Variants in ADGRV1 observed in about 807,000 individuals in gnomAD.
ADGRV1 encodes the protein adhesion G protein-coupled receptor V1.
ADGRV1 carries 359 observed loss-of-function variants against 596.2 expected under a neutral mutation model. That is an observed-to-expected ratio of 0.60 (90% CI 0.55 to 0.66). The LOEUF (loss-of-function observed/expected upper bound fraction) is 0.66, where lower values mean the gene tolerates loss of function less well. Among genes scored for constraint, ADGRV1 ranks in the 30% least tolerant of loss-of-function variants. The pLI is 0.00. For missense variants in ADGRV1, 7,274 were observed against 7,575.6 expected (o/e 0.96, Z 1.48); for synonymous variants, 2,681 against 2,679.2 (o/e 1.00, Z -0.02).
intron 83 of ADGRV1, among the ~76,000 whole-genome samples, chr5:90,924,859 A>C (rs1366562817): frequency 7.9e-5 from 12 of 151,956 alleles, no homozygotes; most frequent in African/African-American, 2.9e-4. Context: ...ATGGCTAGCC[A>C]GTTTTCCCAG....
chr5:90,561,393 A>G (rs1754811913), intron 1 of ADGRV1, among the ~76,000 whole-genome samples: 1 of 152,174 alleles, frequency 6.6e-6, no homozygotes, highest in East Asian at 1.9e-4. Flanking sequence ...AGTCACCTAT[A>G]CATTCTCATA....
chr5:90,888,203 G>C (rs553617838), intron 83 of ADGRV1, among the ~76,000 whole-genome samples: 21 of 152,140 alleles, frequency 1.4e-4, no homozygotes, highest in African/African-American at 4.8e-4. Flanking sequence ...GAACAGAGTA[G>C]CATTAAATAA....
chr5:90,675,569 G>A, intron 24 of ADGRV1, 124 bp downstream of exon 24: 1 of 958,794 alleles, frequency 1.0e-6, no homozygotes, highest in Non-Finnish European at 1.6e-6. Flanking sequence ...AGCACTTTGG[G>A]AGGCAAAGGC....
chr5:91,095,462 C>T (rs1378401196), intron 86 of ADGRV1, among the ~76,000 whole-genome samples: 1 of 152,150 alleles, frequency 6.6e-6, no homozygotes, highest in African/African-American at 2.4e-5. Flanking sequence ...ACAGTATCCT[C>T]ATGGTGATTT....
intron 83 of ADGRV1, among the ~76,000 whole-genome samples, chr5:90,883,518 A>G (rs1267896072): frequency 6.6e-6 from 1 of 152,120 alleles, no homozygotes; most frequent in Non-Finnish European, 1.5e-5. Flanking sequence ...CATTCCTGTG[A>G]TACATATTTC....
chr5:91,082,670 A>G (rs1005104602), intron 86 of ADGRV1, among the ~76,000 whole-genome samples: 3 of 152,182 alleles, frequency 2.0e-5, no homozygotes, highest in Non-Finnish European at 4.4e-5. Flanking sequence ...GAGAGTAGAA[A>G]AAATTTTTGA....
Position 91,070,553 on chromosome 5 carries a change from T to C in ADGRV1, c.18153-1894T>C, listed in dbSNP as rs115082806. On this transcript the variant is annotated intron_variant, in intron 85 of 89. Coordinates refer to ENST00000405460, the MANE Select transcript of ADGRV1 (RefSeq NM_032119.4). ...CTTGGAGGTATATCCCTTATAAGAA[T>C]ACTTCAGAAGCAGTTTTAGATATTG... 3.6e-3 allele frequency among the ~76,000 whole-genome samples: 550 copies of C among 152,338 alleles called. 2 individuals are homozygous for C. Among genetic ancestry groups the C allele is most frequent in the African/African-American group, 0.013 (520 of 41,576 alleles).
chr5:91,056,940 TAA>T (rs1470162858), intron 85 of ADGRV1, among the ~76,000 whole-genome samples: 1 of 152,192 alleles, frequency 6.6e-6, no homozygotes, highest in Non-Finnish European at 1.5e-5. Context: ...CAGCAAGTAA[TAA>T]GTCATTAGCA....
intron 87 of ADGRV1, among the ~76,000 whole-genome samples, chr5:91,132,079 A>C (rs559571977): frequency 6.6e-6 from 1 of 152,012 alleles, no homozygotes; most frequent in East Asian, 1.9e-4. Flanking sequence ...ATTTTTGTCA[A>C]CTTTGTCAAA....
chr5:90,949,312 C>T (rs984020107), intron 83 of ADGRV1, among the ~76,000 whole-genome samples: 2 of 152,090 alleles, frequency 1.3e-5, no homozygotes, highest in Non-Finnish European at 2.9e-5. Context: ...TGTGTGTAAA[C>T]TTTAACTATA....
chr5:90,793,294 C>A (rs1036389686), intron 70 of ADGRV1: 2 of 152,132 alleles, frequency 1.3e-5, no homozygotes, highest in African/African-American at 2.4e-5. Context: ...ATACAATATG[C>A]CTAAATTGTG....
At chr5:90,571,173 A>G (rs1756479289) in intron 1 of ADGRV1, among the ~76,000 whole-genome samples, 1 of 152,002 alleles carries the variant, frequency 6.6e-6, no homozygotes, top group African/African-American at 2.4e-5. Flanking sequence ...TGGTTAGCTT[A>G]GTGGTCAGCT....
chr5:91,142,566 C>T (rs971993289), intron 87 of ADGRV1, among the ~76,000 whole-genome samples: 2 of 152,140 alleles, frequency 1.3e-5, no homozygotes, highest in African/African-American at 4.8e-5. Flanking sequence ...CCAGCTTAAT[C>T]ACTTTCCTGT....
chr5:90,982,223 T>G (rs1404067679), intron 84 of ADGRV1, among the ~76,000 whole-genome samples: 4 of 152,248 alleles, frequency 2.6e-5, no homozygotes, highest in African/African-American at 9.6e-5. Flanking sequence ...GGTCATTGTT[T>G]TGTGACCAGA....
intron 85 of ADGRV1, among the ~76,000 whole-genome samples, chr5:90,992,482 G>T (rs1781052277): frequency 6.6e-6 from 1 of 152,186 alleles, no homozygotes; most frequent in Non-Finnish European, 1.5e-5. Context: ...TGCACAGAAG[G>T]TGGAACCTAG....
intron 87 of ADGRV1, among the ~76,000 whole-genome samples, chr5:91,135,386 C>T (rs559892902): frequency 6.6e-6 from 1 of 152,254 alleles, no homozygotes; most frequent in South Asian, 2.1e-4. Flanking sequence ...TCATCCCTTC[C>T]AACTATAGGT....
At chr5:91,019,536 TA>T (rs746621825) in intron 85 of ADGRV1, among the ~76,000 whole-genome samples, 3 of 152,150 alleles carry the variant, frequency 2.0e-5, no homozygotes, top group Non-Finnish European at 4.4e-5. Flanking sequence ...GCAACAGATG[TA>T]ATAGCTTTGA....
chr5:90,607,388 C>G (rs916092784), intron 1 of ADGRV1, among the ~76,000 whole-genome samples: 2 of 152,000 alleles, frequency 1.3e-5, no homozygotes, highest in African/African-American at 4.8e-5. Context: ...TGCTGCTGAC[C>G]CCCTGCTTAC....
intron 11 of ADGRV1, among the ~76,000 whole-genome samples, chr5:90,638,156 C>A (rs1012192154): frequency 6.6e-6 from 1 of 151,486 alleles, no homozygotes; most frequent in East Asian, 1.9e-4. Context: ...TGAATTTTTA[C>A]CCTGCTTTTC....
Sources: allele counts gnomAD v4.1 joint callset (sites outside exome capture counted in the v4.1 genomes callset), GRCh38; gene constraint gnomAD v4.1.1; transcripts MANE v1.5; gene names NCBI Gene and HGNC (gene_info 2026-07-23, HGNC 2026-07-21).